MGAT5: variants seen among roughly 807,000 people sequenced by gnomAD.
MGAT5 encodes the protein alpha-1,6-mannosylglycoprotein 6-beta-N-acetylglucosaminyltransferase A.
A neutral mutation model predicts 94.3 loss-of-function variants in MGAT5; 30 were observed. That is an observed-to-expected ratio of 0.32 (90% CI 0.24 to 0.43). The LOEUF is 0.43. Ranked by LOEUF, MGAT5 falls within the 20% of genes least tolerant of loss-of-function variation. MGAT5 has a pLI of 1.00. For synonymous variants in MGAT5, 310 were observed against 322.9 expected, an observed-to-expected ratio of 0.96 and a Z score of 0.43; for missense variants, 691 against 905.5, an observed-to-expected ratio of 0.76 and a Z score of 3.04.
chr2:134,176,296 G>C (rs964665177), intron 1 of MGAT5, among the ~76,000 whole-genome samples: 4 of 151,604 alleles, frequency 2.6e-5, no homozygotes, highest in Non-Finnish European at 5.9e-5. Context: ...TTCTAGGCTG[G>C]ACACAGTGGT....
chr2:134,388,189 T>C (rs1558848429), intron 10 of MGAT5, among the ~76,000 whole-genome samples: 1 of 152,208 alleles, frequency 6.6e-6, no homozygotes, highest in Non-Finnish European at 1.5e-5. Flanking sequence ...TGAAAGCTTT[T>C]CTCAGAATAA....
intron 1 of MGAT5, among the ~76,000 whole-genome samples, chr2:134,241,440 A>G (rs1681968656): frequency 1.3e-5 from 2 of 152,226 alleles, no homozygotes; most frequent in African/African-American, 4.8e-5. Context: ...TTGTAAGTAG[A>G]TTGCTCTCTG....
At chr2:134,359,109 G>T (rs1225403404) in intron 9 of MGAT5, among the ~76,000 whole-genome samples, 1 of 152,180 alleles carries the variant, frequency 6.6e-6, no homozygotes, top group East Asian at 1.9e-4. Context: ...ATCTCCTGCA[G>T]TTTTTTAGCA....
At chr2:134,248,283 C>G (rs1234076821) in intron 1 of MGAT5, among the ~76,000 whole-genome samples, 2 of 152,234 alleles carry the variant, frequency 1.3e-5, no homozygotes, top group African/African-American at 4.8e-5. Context: ...TGACCACCCT[C>G]TGTGTGCAAG....
At chr2:134,177,140 A>C (rs1688502633) in intron 1 of MGAT5, among the ~76,000 whole-genome samples, 1 of 22,116 alleles carries the variant, frequency 4.5e-5, no homozygotes, top group Non-Finnish European at 8.5e-5. Context: ...GTAACAAATG[A>C]ACCCGTGTGT....
intron 1 of MGAT5, among the ~76,000 whole-genome samples, chr2:134,175,412 G>A (rs1013835070): frequency 6.6e-6 from 1 of 152,130 alleles, no homozygotes; most frequent in Non-Finnish European, 1.5e-5. Context: ...GAAATGTGTG[G>A]TTGGCCTGGG....
Position 134,235,849 on chromosome 2 carries a change from G to A in MGAT5, c.-142-18413G>A, listed in dbSNP as rs189079879. Among the ~76,000 whole-genome samples, 41 of 151,954 alleles carry A rather than the reference G, an allele frequency of 2.7e-4. No individual in the cohort carries two copies. In the East Asian group the frequency reaches 7.7e-3, roughly 29 times the overall value. ...TGAGGCAAGGGATAAAAGGGGAGGG[G>A]GCACAGTCAAATTAGCTTTGGTTTT... On this transcript the variant is annotated intron_variant, in intron 1 of 16. Coordinates refer to the MGAT5 transcript ENST00000409645.
At chr2:134,394,597 ATTAC>A (rs566066023) in intron 10 of MGAT5, among the ~76,000 whole-genome samples, 103 of 152,284 alleles carry the variant, frequency 6.8e-4, no homozygotes, top group Non-Finnish European at 1.3e-3. Context: ...GTATTAATGT[ATTAC>A]TTTATATTTT....
chr2:134,446,280 GTGACCC>G (rs557739847), intron 15 of MGAT5, among the ~76,000 whole-genome samples: 215 of 152,188 alleles, frequency 1.4e-3, no homozygotes, highest in Non-Finnish European at 2.6e-3. Flanking sequence ...CTGAGTCCAG[GTGACCC>G]AGGGAGCGAG....
intron 1 of MGAT5, among the ~76,000 whole-genome samples, chr2:134,241,959 G>A (rs1451800665): frequency 6.6e-6 from 1 of 152,186 alleles, no homozygotes. Flanking sequence ...GAAAATATCG[G>A]AATTAGAATC....
intron 10 of MGAT5, among the ~76,000 whole-genome samples, chr2:134,362,658 C>G (rs554319515): frequency 1.3e-5 from 2 of 152,228 alleles, no homozygotes; most frequent in Non-Finnish European, 2.9e-5. Flanking sequence ...GGGACACATT[C>G]TAGCTGCTTT....
intron 9 of MGAT5, among the ~76,000 whole-genome samples, chr2:134,357,318 A>G (rs2290049): frequency 0.59 from 89,653 of 152,082 alleles, 30,121 homozygotes; most frequent in Non-Finnish European, 0.75. Context: ...TTCAGACCAT[A>G]ATGATTGTCA....
intron 1 of MGAT5, among the ~76,000 whole-genome samples, chr2:134,130,670 G>A (rs138053377): frequency 5.6e-5 from 8 of 142,382 alleles, no homozygotes; most frequent in African/African-American, 7.4e-5. Context: ...TCTGTGTCTA[G>A]CTAAAGGTTT....
chr2:134,355,908 C>G (rs1679703638), intron 9 of MGAT5, among the ~76,000 whole-genome samples: 1 of 152,182 alleles, frequency 6.6e-6, no homozygotes, highest in African/African-American at 2.4e-5. Context: ...TTTCAGATCT[C>G]AGACCTTATT....
chr2:134,437,942 C>T (rs941192272), intron 14 of MGAT5, among the ~76,000 whole-genome samples: 1 of 147,348 alleles, frequency 6.8e-6, no homozygotes, highest in Admixed American at 6.9e-5. Flanking sequence ...ATGAACCTGG[C>T]AGAGGGAGGT....
chr2:134,428,935 G>A (rs538383836), intron 14 of MGAT5, among the ~76,000 whole-genome samples: 2 of 152,170 alleles, frequency 1.3e-5, no homozygotes, highest in African/African-American at 4.8e-5. Context: ...AGCCAAGGAG[G>A]GTGCCAAGAG....
At chr2:134,159,980 G>A (rs918656686) in intron 1 of MGAT5, among the ~76,000 whole-genome samples, 5 of 152,126 alleles carry the variant, frequency 3.3e-5, no homozygotes, top group African/African-American at 1.2e-4. Context: ...GGAGAAGGGT[G>A]GTGGTGCCAT....
intron 1 of MGAT5, among the ~76,000 whole-genome samples, chr2:134,132,199 T>C (rs999749665): frequency 6.6e-6 from 1 of 152,262 alleles, no homozygotes; most frequent in Non-Finnish European, 1.5e-5. Context: ...AAGATTGTAC[T>C]TAAGTTCAAG....
chr2:134,387,286 T>C (rs13002201), intron 10 of MGAT5, among the ~76,000 whole-genome samples: 1 of 107,970 alleles, frequency 9.3e-6, no homozygotes, highest in East Asian at 2.8e-4. Flanking sequence ...AAATAAAAAA[T>C]AAAAAGTTAT....
Sources: gnomAD v4.1 joint callset for allele counts (sites outside exome capture counted in the v4.1 genomes callset) on GRCh38, gnomAD v4.1.1 for gene constraint, MANE v1.5 for transcripts, NCBI Gene and HGNC (gene_info 2026-07-23, HGNC 2026-07-21) for gene names.